Variants in RMST observed in about 807,000 individuals in gnomAD.
The protein encoded by RMST is rhabdomyosarcoma 2 associated transcript.
At chr12:97,482,149 A>G (rs1281622840) in intron 5 of RMST, among the ~76,000 whole-genome samples, 1 of 152,244 alleles carries the variant, frequency 6.6e-6, no homozygotes. Context: ...TGGAAAATAG[A>G]CAAAAAATAC....
chr12:97,485,563 T>G (rs1053618871), intron 5 of RMST, among the ~76,000 whole-genome samples: 1 of 152,208 alleles, frequency 6.6e-6, no homozygotes, highest in Non-Finnish European at 1.5e-5. Context: ...GGTAATTACT[T>G]AAGAAAAATA....
At chr12:97,542,233 A>G (rs1188934405) in intron 11 of RMST, among the ~76,000 whole-genome samples, 1 of 151,884 alleles carries the variant, frequency 6.6e-6, no homozygotes, top group African/African-American at 2.4e-5. Context: ...TATGAGAATT[A>G]TGATTTGCAA....
At chr12:97,480,993 A>G (rs747034482) in intron 5 of RMST, among the ~76,000 whole-genome samples, 1 of 152,206 alleles carries the variant, frequency 6.6e-6, no homozygotes, top group Non-Finnish European at 1.5e-5. Flanking sequence ...CCTGAGCTAT[A>G]CAGTTCATTG....
At chr12:97,516,032 T>A (rs915332319) in intron 10 of RMST, among the ~76,000 whole-genome samples, 1 of 152,084 alleles carries the variant, frequency 6.6e-6, no homozygotes, top group African/African-American at 2.4e-5. Context: ...GCTCTCTGTA[T>A]CATCTAACTA....
At chr12:97,492,514 C>T (rs1320521163) in exon 6 of RMST, 1 of 156,084 alleles carries the variant, frequency 6.4e-6, no homozygotes, top group Non-Finnish European at 1.4e-5. Flanking sequence ...GTAGTTACTC[C>T]ACTCAGCACA....
chr12:97,544,956 TA>T (rs797000030), intron 11 of RMST, among the ~76,000 whole-genome samples: 6 of 152,228 alleles, frequency 3.9e-5, no homozygotes, highest in African/African-American at 1.2e-4. Flanking sequence ...AAAATTCCAA[TA>T]AATGACATCT....
intron 11 of RMST, among the ~76,000 whole-genome samples, chr12:97,542,990 G>A (rs2136627674): frequency 6.6e-6 from 1 of 151,982 alleles, no homozygotes; most frequent in Middle Eastern, 3.4e-3. Flanking sequence ...TATGTGTTTG[G>A]GTATTTAAAT....
chr12:97,520,127 CAAAT>C (rs1298425677), intron 10 of RMST, among the ~76,000 whole-genome samples: 2 of 152,138 alleles, frequency 1.3e-5, no homozygotes, highest in African/African-American at 4.8e-5. Context: ...AGTGTCTTGA[CAAAT>C]AAAAAGATAT....
At chr12:97,499,108 T>C (rs1415603228) in intron 10 of RMST, among the ~76,000 whole-genome samples, 1 of 152,222 alleles carries the variant, frequency 6.6e-6, no homozygotes, top group African/African-American at 2.4e-5. Context: ...CATTTAGGAA[T>C]GTCTGTCAGC....
chr12:97,513,026 C>T (rs1423921398), intron 10 of RMST, among the ~76,000 whole-genome samples: 1 of 152,356 alleles, frequency 6.6e-6, no homozygotes, highest in South Asian at 2.1e-4. Context: ...CGGCCGGCCG[C>T]TCCAACTGCG....
Position 97,481,728 on chromosome 12 carries a change from T to C in RMST, n.645-10733T>C, listed in dbSNP as rs1260311457. Among the ~76,000 whole-genome samples, 3 of 152,354 alleles carry C rather than the reference T, an allele frequency of 2.0e-5. No individual in the cohort carries two copies. The East Asian group carries it at 5.8e-4, about 29-fold the overall frequency. ...TTGTTCCATCCGTGCAAGTGTTTTATGAAAATTTAGCTGAAGCATTTTAAA... is the reference window on the plus strand; with the variant it reads ...TTGTTCCATCCGTGCAAGTGTTTTACGAAAATTTAGCTGAAGCATTTTAAA... On this transcript the variant is annotated intron_variant and non_coding_transcript_variant, in intron 5 of 13. Transcript: ENST00000640149.
chr12:97,524,027 G>C (rs1880800539), intron 10 of RMST, among the ~76,000 whole-genome samples: 1 of 126,866 alleles, frequency 7.9e-6, no homozygotes, highest in South Asian at 2.6e-4. Flanking sequence ...AGTGAGCCGA[G>C]ATCGCGCCAC....
intron 11 of RMST, among the ~76,000 whole-genome samples, chr12:97,544,735 A>G (rs1312710008): frequency 6.6e-6 from 1 of 151,998 alleles, no homozygotes; most frequent in African/African-American, 2.4e-5. Context: ...GGTCAAATCA[A>G]TTTTCTTGTA....
rs1880016462 is a variant in RMST at position 97,517,116 on chromosome 12, TGATA to T, written n.1341-13535_1341-13532del. 1.3e-5 allele frequency among the ~76,000 whole-genome samples: 2 copies of T among 151,946 alleles called. 1 individual carries two copies. Among genetic ancestry groups the T allele is most frequent in the Admixed American group, 1.3e-4 (2 of 15,250 alleles). The stretch of plus-strand genomic sequence containing the variant: ...CTCTCCTCTTATCAGATGGAAAGAT[TGATA>T]GATGAATAAAAATGGAAAGCTTTTT... On this transcript the variant is annotated intron_variant and non_coding_transcript_variant, in intron 10 of 13. Transcript: ENST00000640149.
At chr12:97,495,014 A>G (rs1330765456) in intron 9 of RMST, 1 of 152,204 alleles carries the variant, frequency 6.6e-6, no homozygotes, top group East Asian at 1.9e-4. Context: ...ACAATTATTT[A>G]AACTGTGACC....
At chr12:97,550,356 C>T (rs193282776) in intron 11 of RMST, among the ~76,000 whole-genome samples, 2 of 152,226 alleles carry the variant, frequency 1.3e-5, no homozygotes, top group Admixed American at 1.3e-4. Context: ...CATGCCATCG[C>T]ACTCCAGCTT....
intron 5 of RMST, among the ~76,000 whole-genome samples, chr12:97,469,273 G>T (rs1260809060): frequency 6.6e-6 from 1 of 150,464 alleles, no homozygotes; most frequent in African/African-American, 2.4e-5. Context: ...AGAAGATATT[G>T]GTAAAACAGT....
At chr12:97,481,100 G>A (rs1875219417) in intron 5 of RMST, among the ~76,000 whole-genome samples, 1 of 152,194 alleles carries the variant, frequency 6.6e-6, no homozygotes, top group Non-Finnish European at 1.5e-5. Flanking sequence ...TTCCACTGCT[G>A]ATAATTGAGT....
intron 10 of RMST, among the ~76,000 whole-genome samples, chr12:97,518,635 C>T (rs186454700): frequency 5.3e-5 from 8 of 152,184 alleles, no homozygotes; most frequent in African/African-American, 1.9e-4. Context: ...TTGAGACAGA[C>T]TGAATCACAC....
Sources: gnomAD v4.1 joint callset for allele counts (sites outside exome capture counted in the v4.1 genomes callset) on GRCh38, gnomAD v4.1.1 for gene constraint, MANE v1.5 for transcripts, NCBI Gene and HGNC (gene_info 2026-07-23, HGNC 2026-07-21) for gene names.